Variants in MAST4 observed in about 807,000 individuals in gnomAD.
MAST4 encodes microtubule associated serine/threonine kinase family member 4, also known as microtubule-associated serine/threonine-protein kinase 4.
MAST4 carries 89 observed loss-of-function variants against 162.7 expected under a neutral mutation model. That is an observed-to-expected ratio of 0.55 (90% CI 0.46 to 0.65). The LOEUF (loss-of-function observed/expected upper bound fraction) is 0.65, where lower values mean the gene tolerates loss of function less well. MAST4 is among the 30% of genes least tolerant of loss of function. The pLI is 0.00. For synonymous variants in MAST4, 1,479 were observed against 1,361.1 expected (o/e 1.09, Z -1.91); for missense variants, 3,153 against 3,374.0 (o/e 0.93, Z 1.62).
chr5:67,006,318 T>C (rs1704370693), intron 4 of MAST4, among the ~76,000 whole-genome samples: 1 of 152,230 alleles, frequency 6.6e-6, no homozygotes, highest in South Asian at 2.1e-4. Context: ...GTAATGTGAC[T>C]ATGTTTTTCT....
intron 5 of MAST4, among the ~76,000 whole-genome samples, chr5:67,071,749 G>C (rs546275912): frequency 2.6e-5 from 4 of 152,210 alleles, no homozygotes; most frequent in African/African-American, 9.6e-5. Flanking sequence ...GACAGAGCGA[G>C]ACTTCATCTC....
intron 3 of MAST4, among the ~76,000 whole-genome samples, chr5:66,868,958 A>G (rs1042742484): frequency 6.6e-6 from 1 of 152,188 alleles, no homozygotes; most frequent in Non-Finnish European, 1.5e-5. Flanking sequence ...TAACATTTTC[A>G]CCTTGGAGTC....
chr5:66,599,011 T>C (rs898401001), intron 1 of MAST4, among the ~76,000 whole-genome samples: 1 of 152,230 alleles, frequency 6.6e-6, no homozygotes, highest in Non-Finnish European at 1.5e-5. Flanking sequence ...AATCTCAGAA[T>C]TGCGTGTAAA....
chr5:66,886,828 G>T (rs1316272103), intron 3 of MAST4, among the ~76,000 whole-genome samples: 1 of 151,104 alleles, frequency 6.6e-6, no homozygotes, highest in Admixed American at 6.6e-5. Context: ...GAAATGACTT[G>T]ATTTTTTTGG....
chr5:66,777,924 C>T (rs767668913), intron 2 of MAST4, among the ~76,000 whole-genome samples: 9 of 152,218 alleles, frequency 5.9e-5, no homozygotes, highest in Non-Finnish European at 1.3e-4. Flanking sequence ...TTCCATATAT[C>T]TTGCCAGCAG....
At chr5:67,116,242 G>C (rs945196547) in intron 12 of MAST4, among the ~76,000 whole-genome samples, 3 of 151,962 alleles carry the variant, frequency 2.0e-5, no homozygotes, top group African/African-American at 7.2e-5. Context: ...GACTTGCTTC[G>C]TTGCCCAGGC....
chr5:66,707,231 A>G (rs548754692), intron 1 of MAST4, among the ~76,000 whole-genome samples: 1 of 152,326 alleles, frequency 6.6e-6, no homozygotes, highest in South Asian at 2.1e-4. Flanking sequence ...TTTGTGGACT[A>G]GAAATACGTC....
At position 66,986,152 on chromosome 5, in the gene MAST4, G is replaced by A. The variant is rs374685611; in HGVS notation, c.675-68252G>A. Among the ~76,000 whole-genome samples, 76 of 152,270 alleles carry A rather than the reference G, an allele frequency of 5.0e-4. 2 individuals are homozygous for A. The East Asian group carries it at 0.013, about 26-fold the overall frequency. On this transcript the variant is annotated intron_variant, in intron 4 of 28. Coordinates refer to ENST00000403625, the MANE Select transcript of MAST4 (RefSeq NM_001164664.2). The stretch of plus-strand genomic sequence containing the variant: ...CCAGGATGTAGAAGTTTGAAAAGTT[G>A]TCTATGAGGAAGAGAGGAGGAGGTA...
chr5:66,935,848 A>G (rs897868695), intron 4 of MAST4, among the ~76,000 whole-genome samples: 3 of 152,016 alleles, frequency 2.0e-5, no homozygotes, highest in Middle Eastern at 3.4e-3. Context: ...TTGTATTTTT[A>G]GTAGAGACGG....
chr5:66,766,664 C>G (rs1754111446), intron 2 of MAST4, among the ~76,000 whole-genome samples: 1 of 152,030 alleles, frequency 6.6e-6, no homozygotes, highest in South Asian at 2.1e-4. Flanking sequence ...AGTGGGCAAG[C>G]CTGAAATAAT....
chr5:66,869,896 T>A (rs1310290617), intron 3 of MAST4, among the ~76,000 whole-genome samples: 3 of 152,158 alleles, frequency 2.0e-5, no homozygotes, highest in African/African-American at 2.4e-5. Flanking sequence ...TCCCTGGAGT[T>A]AATGCTCACA....
At chr5:67,155,921 G>A (rs901465302) in intron 26 of MAST4, among the ~76,000 whole-genome samples, 124 of 152,124 alleles carry the variant, frequency 8.2e-4, no homozygotes, top group African/African-American at 2.9e-3. Context: ...TTAGCTGGGC[G>A]TGGTGGTGGG....
intron 1 of MAST4, among the ~76,000 whole-genome samples, chr5:66,729,981 T>C (rs1343122337): frequency 6.6e-6 from 1 of 152,222 alleles, no homozygotes; most frequent in Non-Finnish European, 1.5e-5. Context: ...GTGGTTGTTC[T>C]TTGAACCTAG....
chr5:66,895,054 C>G (rs1020181874), intron 3 of MAST4, among the ~76,000 whole-genome samples: 1 of 152,030 alleles, frequency 6.6e-6, no homozygotes, highest in Non-Finnish European at 1.5e-5. Flanking sequence ...TGGGCTGTTC[C>G]CTGGGTGTGG....
intron 4 of MAST4, chr5:67,004,956 A>G: frequency 1.3e-6 from 1 of 743,370 alleles, no homozygotes; most frequent in Non-Finnish European, 2.5e-6. Context: ...TTTTAGTCAT[A>G]TGGCCTTGAA....
chr5:66,850,767 A>G (rs1759245842), intron 3 of MAST4, among the ~76,000 whole-genome samples: 1 of 152,128 alleles, frequency 6.6e-6, no homozygotes. Context: ...AGCATTTTGG[A>G]GAAGGATTAC....
chr5:67,056,027 A>C (rs1758768911), intron 5 of MAST4, among the ~76,000 whole-genome samples: 1 of 148,546 alleles, frequency 6.7e-6, no homozygotes, highest in Admixed American at 6.7e-5. Flanking sequence ...TGTACATGAT[A>C]TATATTATAT....
At chr5:67,000,224 A>G (rs1229369945) in intron 4 of MAST4, among the ~76,000 whole-genome samples, 2 of 152,224 alleles carry the variant, frequency 1.3e-5, no homozygotes, top group Admixed American at 6.5e-5. Flanking sequence ...AGTTTAGGGC[A>G]AAATCCTTAG....
At chr5:66,609,392 C>CA (rs1554034737) in intron 1 of MAST4, among the ~76,000 whole-genome samples, 52 of 128,618 alleles carry the variant, frequency 4.0e-4, no homozygotes, top group Non-Finnish European at 7.2e-4. Context: ...CAATGCACTA[C>CA]TTTTTTTTTT....
Sources: allele counts gnomAD v4.1 joint callset (sites outside exome capture counted in the v4.1 genomes callset), GRCh38; gene constraint gnomAD v4.1.1; transcripts MANE v1.5; gene names NCBI Gene and HGNC (gene_info 2026-07-23, HGNC 2026-07-21).